The following AFF3 variants were observed in gnomAD, a reference collection of about 807,000 sequenced individuals.
AFF3 encodes the protein AF4/FMR2 family member 3.
AFF3 carries 32 observed loss-of-function variants against 129.7 expected under a neutral mutation model. That is an observed-to-expected ratio of 0.25 (90% CI 0.19 to 0.33). The LOEUF is 0.33. Among genes scored for constraint, AFF3 ranks in the 10% least tolerant of loss-of-function variants. The pLI is 1.00. For synonymous variants in AFF3, 644 were observed against 635.4 expected, an observed-to-expected ratio of 1.01 and a Z score of -0.20; for missense variants, 1,373 against 1,592.0, an observed-to-expected ratio of 0.86 and a Z score of 2.34.
At chr2:99,608,301 T>G (rs191004722) in intron 13 of AFF3, among the ~76,000 whole-genome samples, 2 of 152,326 alleles carry the variant, frequency 1.3e-5, no homozygotes, top group East Asian at 3.9e-4. Flanking sequence ...TTCCCTACTC[T>G]GTAAAGGTTT....
chr2:99,743,159 CAGAGGGTGGGATAATTA>C (rs1275205795), intron 10 of AFF3, among the ~76,000 whole-genome samples: 1 of 152,142 alleles, frequency 6.6e-6, no homozygotes, highest in Non-Finnish European at 1.5e-5. Context: ...CAAATCCCAA[CAGAGGGTGGGATAATTA>C]AGTGATATTG....
chr2:99,744,529 G>T (rs1346498903), intron 9 of AFF3, among the ~76,000 whole-genome samples: 3 of 151,960 alleles, frequency 2.0e-5, no homozygotes, highest in Admixed American at 6.6e-5. Context: ...ATTAAGCAGG[G>T]TCTCCCATAC....
chr2:99,654,069 G>C (rs1026297667), intron 12 of AFF3, among the ~76,000 whole-genome samples: 1 of 152,000 alleles, frequency 6.6e-6, no homozygotes, highest in African/African-American at 2.4e-5. Context: ...TAGTAGAGAC[G>C]GGGTTTCACT....
chr2:99,892,307 C>T (rs893513882), intron 7 of AFF3, among the ~76,000 whole-genome samples: 1 of 152,178 alleles, frequency 6.6e-6, no homozygotes, highest in African/African-American at 2.4e-5. Flanking sequence ...AAATTCATTA[C>T]ACTTGAAAAT....
intron 11 of AFF3, among the ~76,000 whole-genome samples, chr2:99,690,606 C>A (rs951053439): frequency 4.6e-5 from 7 of 151,996 alleles, no homozygotes; most frequent in Non-Finnish European, 1.0e-4. Flanking sequence ...GCTGAGAATC[C>A]CACGGCTTCG....
Position 100,044,218 on chromosome 2 carries a change from G to A in AFF3, c.54-35286C>T, listed in dbSNP as rs114591324. The stretch of plus-strand genomic sequence containing the variant: ...CAGGGGTGCCTGAAAGGCAGGACCC[G>A]CATCCTCCATTCTACCCTCTCAGCA... On this transcript the variant is annotated intron_variant, in intron 4 of 24. Coordinates refer to ENST00000672756, the MANE Select transcript of AFF3 (RefSeq NM_001386135.1). 8.9e-3 allele frequency among the ~76,000 whole-genome samples: 1,362 copies of A among 152,328 alleles called. 27 individuals carry two copies. Among genetic ancestry groups the A allele is most frequent in the African/African-American group, 0.031 (1,294 of 41,578 alleles).
chr2:99,923,605 A>C (rs1179117671), intron 7 of AFF3, among the ~76,000 whole-genome samples: 2 of 152,216 alleles, frequency 1.3e-5, no homozygotes, highest in Non-Finnish European at 2.9e-5. Context: ...AATTCACTCA[A>C]AAGAAATATA....
At chr2:99,698,933 A>G (rs79261342) in intron 11 of AFF3, among the ~76,000 whole-genome samples, 5,513 of 152,256 alleles carry the variant, frequency 0.036, 342 homozygotes, top group African/African-American at 0.13. Context: ...ATAGAAGAAA[A>G]ACAGTAAAGG....
chr2:100,038,336 C>A (rs1685145326), intron 4 of AFF3, among the ~76,000 whole-genome samples: 1 of 151,386 alleles, frequency 6.6e-6, no homozygotes, highest in African/African-American at 2.4e-5. Flanking sequence ...TTCCAGCCTT[C>A]CAGCAACAAT....
intron 18 of AFF3, among the ~76,000 whole-genome samples, chr2:99,570,508 T>A (rs1431050027): frequency 6.6e-6 from 1 of 152,106 alleles, no homozygotes; most frequent in Non-Finnish European, 1.5e-5. Flanking sequence ...GGCTAACTTT[T>A]TGTATTTTTA....
At chr2:99,589,041 T>C (rs1678401648) in intron 15 of AFF3, among the ~76,000 whole-genome samples, 1 of 152,232 alleles carries the variant, frequency 6.6e-6, no homozygotes, top group Non-Finnish European at 1.5e-5. Flanking sequence ...ATGTAAGTCT[T>C]TCTGCACATC....
chr2:100,081,439 G>A (rs1186875407), intron 4 of AFF3, among the ~76,000 whole-genome samples: 4 of 151,614 alleles, frequency 2.6e-5, no homozygotes, highest in African/African-American at 4.9e-5. Context: ...CGAGAAAATC[G>A]CCACCATGTC....
rs913393543 is a variant in AFF3, at chr2:99,546,916, C to A, written c.*4558G>T. ...TGACCTTCTCAAGCTTCCTGTTGAG[C>A]CTTCACTGGGACACTGGGAGCGTGC... On this transcript the variant is annotated 3_prime_UTR_variant, in exon 25 of 25. Transcript: ENST00000672756. The A allele has an allele frequency of 4.5e-6, 1 of 221,114 alleles. No individual in the cohort carries two copies. The highest frequency in any genetic ancestry group is 9.0e-6 in the Non-Finnish European group (1 of 110,596). The allele number at this position is 221,114 out of a possible 1,614,324, so 13.7% of individuals were successfully genotyped here.
At chr2:99,973,625 T>A (rs1388588350) in intron 7 of AFF3, among the ~76,000 whole-genome samples, 1 of 152,204 alleles carries the variant, frequency 6.6e-6, no homozygotes, top group South Asian at 2.1e-4. Context: ...CCATACTGCA[T>A]AAGCTCCAAT....
chr2:100,086,960 TA>T (rs1689487488), intron 4 of AFF3, among the ~76,000 whole-genome samples: 1 of 152,200 alleles, frequency 6.6e-6, no homozygotes, highest in Non-Finnish European at 1.5e-5. Flanking sequence ...TTGGAGAAGG[TA>T]AAAACCTACC....
chr2:99,858,768 A>C (rs1179816272), intron 7 of AFF3, among the ~76,000 whole-genome samples: 1 of 152,200 alleles, frequency 6.6e-6, no homozygotes, highest in Non-Finnish European at 1.5e-5. Context: ...GGGTGGGAGG[A>C]GGGAGAGGAT....
chr2:99,975,972 T>C (rs1678851500), intron 7 of AFF3, among the ~76,000 whole-genome samples: 1 of 150,864 alleles, frequency 6.6e-6, no homozygotes, highest in Non-Finnish European at 1.5e-5. Flanking sequence ...CCCAAGAAGG[T>C]GACAGATGTA....
At chr2:99,739,882 T>C (rs890483679) in intron 10 of AFF3, among the ~76,000 whole-genome samples, 1 of 151,956 alleles carries the variant, frequency 6.6e-6, no homozygotes, top group African/African-American at 2.4e-5. Flanking sequence ...TACATATGTA[T>C]ACATGTGCCA....
chr2:99,723,448 A>G (rs1296437843), intron 11 of AFF3, among the ~76,000 whole-genome samples: 2 of 152,210 alleles, frequency 1.3e-5, no homozygotes, highest in African/African-American at 4.8e-5. Flanking sequence ...TTATACAGAC[A>G]GAGGGATGTA....
Sources: allele counts gnomAD v4.1 joint callset (sites outside exome capture counted in the v4.1 genomes callset), GRCh38; gene constraint gnomAD v4.1.1; transcripts MANE v1.5; gene names NCBI Gene and HGNC (gene_info 2026-07-23, HGNC 2026-07-21).